ELAC1: variants seen among roughly 807,000 people sequenced by gnomAD.
The protein encoded by ELAC1 is elaC ribonuclease Z 1, also known as zinc phosphodiesterase ELAC protein 1.
In ELAC1, 19 loss-of-function variants were observed where a neutral mutation model predicts 25.8. That is an observed-to-expected ratio of 0.74 (90% confidence interval 0.51 to 1.08). The LOEUF is 1.08. Among genes scored for constraint, ELAC1 ranks in the 50% least tolerant of loss-of-function variants. The pLI is 0.00. For missense variants in ELAC1, 403 were observed against 434.6 expected, an observed-to-expected ratio of 0.93 and a Z score of 0.65; for synonymous variants, 148 against 160.9, an observed-to-expected ratio of 0.92 and a Z score of 0.61.
At chr18:50,983,155 GTTTTT>G (rs552455433) in intron 2 of ELAC1, among the ~76,000 whole-genome samples, 26 of 60,874 alleles carry the variant, frequency 4.3e-4, no homozygotes, top group African/African-American at 1.6e-3. Context: ...TTTACTTGGT[GTTTTT>G]TTTTTTTTTT....
chr18:50,979,446 G>A (rs765865212), intron 2 of ELAC1, among the ~76,000 whole-genome samples: 9 of 152,162 alleles, frequency 5.9e-5, no homozygotes, highest in Non-Finnish European at 1.0e-4. Flanking sequence ...TGAGTTCTCT[G>A]CATTGTAGGT....
At chr18:50,983,887 C>CA (rs1358682002) in intron 2 of ELAC1, among the ~76,000 whole-genome samples, 2 of 151,142 alleles carry the variant, frequency 1.3e-5, no homozygotes, top group African/African-American at 4.9e-5. Context: ...AACAAACAAA[C>CA]AAAAAACCAC....
intron 1 of ELAC1, among the ~76,000 whole-genome samples, chr18:50,970,262 A>G (rs1302261228): frequency 6.6e-6 from 1 of 152,046 alleles, no homozygotes; most frequent in African/African-American, 2.4e-5. Context: ...ACCTTCACTG[A>G]TATGTTTTAA....
intron 2 of ELAC1, among the ~76,000 whole-genome samples, chr18:50,982,769 C>T (rs1332198109): frequency 1.3e-5 from 2 of 152,212 alleles, no homozygotes; most frequent in Non-Finnish European, 2.9e-5. Flanking sequence ...GGCTTTCCTG[C>T]ATTCTGCCTT....
chr18:50,975,782 A>G (rs146116465), intron 2 of ELAC1, among the ~76,000 whole-genome samples: 4 of 152,156 alleles, frequency 2.6e-5, no homozygotes, highest in Non-Finnish European at 2.9e-5. Context: ...ACAGTAATCA[A>G]TCATGTAATG....
intron 3 of ELAC1, among the ~76,000 whole-genome samples, chr18:50,985,909 C>T (rs530182612): frequency 3.8e-4 from 58 of 151,858 alleles, no homozygotes; most frequent in Admixed American, 1.2e-3. Flanking sequence ...GTACAATTGC[C>T]TGAAAAAATG....
chr18:50,977,314 C>T (rs930952458), intron 2 of ELAC1, among the ~76,000 whole-genome samples: 1 of 152,252 alleles, frequency 6.6e-6, no homozygotes, highest in Non-Finnish European at 1.5e-5. Flanking sequence ...CAGAAGATTT[C>T]TGCCTGGACA....
chr18:50,987,040 T>C lies in ELAC1; in HGVS notation c.1047T>C (p.Thr349=). ...CAGTGTTAGATCTCCAAGAAGTGAC[T>C]CTAGCAGAAGATTTTATGGTGATAA... ...AESVLDLQEV[T]LAEDFMVISI... is the part of the protein sequence containing the mutation. The change falls in exon 4 of 4, where the codon ACT becomes ACC. Residue 349 remains threonine, a synonymous_variant. Transcript: ENST00000269466. The C allele has an allele frequency of 6.3e-7, 1 of 1,585,802 alleles. No homozygotes were observed. Among genetic ancestry groups the C allele is most frequent in the Non-Finnish European group, 8.6e-7 (1 of 1,167,382 alleles).
At chr18:50,978,408 A>T (rs1907852659) in intron 2 of ELAC1, among the ~76,000 whole-genome samples, 1 of 152,236 alleles carries the variant, frequency 6.6e-6, no homozygotes, top group Admixed American at 6.5e-5. Flanking sequence ...ATCATGGTGG[A>T]AGGCAAAGGC....
chr18:50,972,229 A>G (rs1907685955), intron 1 of ELAC1, among the ~76,000 whole-genome samples: 1 of 151,986 alleles, frequency 6.6e-6, no homozygotes, highest in Non-Finnish European at 1.5e-5. Context: ...TGAACACGTT[A>G]TTGGATTTTT....
At chr18:50,970,128 A>AT (rs938930789) in intron 1 of ELAC1, among the ~76,000 whole-genome samples, 1 of 151,958 alleles carries the variant, frequency 6.6e-6, no homozygotes, top group African/African-American at 2.4e-5. Context: ...TGCCTGGCTA[A>AT]TTTTTTTATA....
intron 2 of ELAC1, among the ~76,000 whole-genome samples, chr18:50,979,558 C>A (rs1018501951): frequency 1.3e-5 from 2 of 152,088 alleles, no homozygotes; most frequent in Non-Finnish European, 2.9e-5. Context: ...ATAAAGTAAT[C>A]GCATTGCATT....
At chr18:50,970,419 T>C (rs1489951940) in intron 1 of ELAC1, among the ~76,000 whole-genome samples, 1 of 152,242 alleles carries the variant, frequency 6.6e-6, no homozygotes, top group African/African-American at 2.4e-5. Flanking sequence ...CTGCATTCTG[T>C]TTATTCTTAC....
intron 2 of ELAC1, among the ~76,000 whole-genome samples, chr18:50,978,392 C>T (rs749948699): frequency 1.3e-5 from 2 of 152,070 alleles, no homozygotes; most frequent in Non-Finnish European, 2.9e-5. Flanking sequence ...CTGGGGAGGC[C>T]CCACAATCAT....
chr18:50,982,987 C>T (rs995357651), intron 2 of ELAC1, among the ~76,000 whole-genome samples: 1 of 151,886 alleles, frequency 6.6e-6, no homozygotes, highest in Non-Finnish European at 1.5e-5. Flanking sequence ...AGGCACTGGT[C>T]CAGTCAGTTG....
At chr18:50,981,429 T>G (rs1907947627) in intron 2 of ELAC1, among the ~76,000 whole-genome samples, 1 of 152,148 alleles carries the variant, frequency 6.6e-6, no homozygotes, top group South Asian at 2.1e-4. Flanking sequence ...AACAATATAT[T>G]GCAGCTTTTC....
At position 50,986,882 on chromosome 18, in the gene ELAC1, G is replaced by A; in HGVS notation, c.889G>A (p.Ala297Thr). 6.2e-7 allele frequency: 1 copy of A among 1,613,836 alleles called. No homozygotes were observed. The highest frequency in any genetic ancestry group is 8.5e-7 in the Non-Finnish European group (1 of 1,179,792). ...KEHGHSTPQMAATFAKLCRAK... is the reference protein window; with the variant it reads ...KEHGHSTPQMTATFAKLCRAK... Reference sequence around the variant, plus strand: ...GCATGGCCACAGCACACCACAGATGGCAGCAACATTTGCAAAGTTGTGCCG... The same window carrying A: ...GCATGGCCACAGCACACCACAGATGACAGCAACATTTGCAAAGTTGTGCCG... Residue 297 changes from alanine (A) to threonine (T), a missense_variant, in exon 4 of 4, where the codon GCA becomes ACA. By Grantham distance (58) the Ala-to-Thr change is moderately conservative. Coordinates refer to ENST00000269466, the MANE Select transcript of ELAC1 (RefSeq NM_018696.3).
rs1908047983 is a variant in ELAC1, at chr18:50,984,491, C to A, written c.553C>A (p.Pro185Thr). The part of the protein sequence containing the change: ...VKAFRLFHRI[P>T]SFGFSVVEKK... ...AGCATTTCGCCTCTTTCACAGAATT[C>A]CCTCATTTGGGTTTTCAGTCGTGGA... The change falls in exon 3 of 4, where the codon CCC (proline) becomes ACC (threonine). Residue 185 changes from proline to threonine, a missense_variant. By Grantham distance (38) the Pro-to-Thr change is conservative. Coordinates refer to ENST00000269466, the MANE Select transcript of ELAC1 (RefSeq NM_018696.3). The A allele has an allele frequency of 6.2e-7, 1 of 1,614,196 alleles. No individual in the cohort carries two copies. Among genetic ancestry groups the A allele is most frequent in the Non-Finnish European group, 8.5e-7 (1 of 1,180,024 alleles).
At chr18:50,970,365 A>G (rs561571859) in intron 1 of ELAC1, among the ~76,000 whole-genome samples, 1 of 152,342 alleles carries the variant, frequency 6.6e-6, no homozygotes, top group South Asian at 2.1e-4. Flanking sequence ...ATTATATTCT[A>G]TTATTCCTTC....
Sources: gnomAD v4.1 joint callset for allele counts (sites outside exome capture counted in the v4.1 genomes callset) on GRCh38, gnomAD v4.1.1 for gene constraint, MANE v1.5 for transcripts, NCBI Gene and HGNC (gene_info 2026-07-23, HGNC 2026-07-21) for gene names.